TLE4: variants seen among roughly 807,000 people sequenced by gnomAD.
TLE4 encodes TLE family member 4, transcriptional corepressor.
In TLE4, 8 loss-of-function variants were observed where a neutral mutation model predicts 92.8. That is an observed-to-expected ratio of 0.09 (90% CI 0.05 to 0.16). The LOEUF (loss-of-function observed/expected upper bound fraction) is 0.16. TLE4 is among the 10% of genes least tolerant of loss of function. The pLI is 1.00. For missense variants in TLE4, 675 were observed against 997.6 expected (o/e 0.68, Z 4.36); for synonymous variants, 371 against 374.1 (o/e 0.99, Z 0.10).
intron 10 of TLE4, among the ~76,000 whole-genome samples, 184 bp from the exon 11 acceptor site, chr9:79,706,563 A>C (rs2071623747): frequency 6.6e-6 from 1 of 152,030 alleles, no homozygotes; most frequent in South Asian, 2.1e-4. Context: ...TAAATACTAT[A>C]ATTTTGGGGC....
intron 8 of TLE4, among the ~76,000 whole-genome samples, chr9:79,694,453 C>T (rs1429664636): frequency 2.0e-5 from 3 of 152,098 alleles, no homozygotes; most frequent in Non-Finnish European, 2.9e-5. Context: ...TTTGTTTCCT[C>T]AAAGTCTCCT....
intron 8 of TLE4, among the ~76,000 whole-genome samples, chr9:79,673,442 A>AT (rs1469696414): frequency 6.6e-6 from 1 of 152,190 alleles, no homozygotes; most frequent in Non-Finnish European, 1.5e-5. Flanking sequence ...TTTTTCTTTC[A>AT]TGAGTTCCTT....
intron 6 of TLE4, 119 bp from the exon 7 acceptor site, chr9:79,652,474 A>C: frequency 8.9e-7 from 1 of 1,120,574 alleles, no homozygotes; most frequent in Middle Eastern, 2.5e-4. Flanking sequence ...GGCGTGAGCC[A>C]CCGTGCCCAG....
intron 2 of TLE4, 140 bp from the exon 3 acceptor site, chr9:79,574,733 C>A: frequency 1.5e-6 from 1 of 652,966 alleles, no homozygotes; most frequent in South Asian, 1.9e-5. Flanking sequence ...CCCCTTTCCC[C>A]TTCCCTTTCC....
chr9:79,712,772 G>C (rs1280248998), intron 14 of TLE4, among the ~76,000 whole-genome samples: 1 of 152,112 alleles, frequency 6.6e-6, no homozygotes, highest in Non-Finnish European at 1.5e-5. Context: ...GCCAAAAATG[G>C]CCCTTCTCCT....
Position 79,706,781 on chromosome 9 carries a change from C to A in TLE4, c.818C>A (p.Ser273Tyr). ...PSSPRGSPAH[S>Y]PRENGLDKTR... The stretch of plus-strand genomic sequence containing the variant: ...TCCCCTCGAGGGAGCCCAGCACATT[C>A]CCCCAGAGAGAATGGCCTAGACAAG... The change falls in exon 11 of 20, where the codon TCC becomes TAC. Residue 273 changes from serine to tyrosine, a missense_variant. This residue lies in a region of TLE4 where 280 missense variants were observed against 287.3 expected (regional missense o/e 0.97). Transcript: ENST00000376552. The A allele has an allele frequency of 6.2e-7, 1 of 1,614,112 alleles. No homozygotes were observed. Among genetic ancestry groups the A allele is most frequent in the Non-Finnish European group, 8.5e-7 (1 of 1,180,006 alleles).
chr9:79,592,668 C>CT (rs1288217777), intron 4 of TLE4, among the ~76,000 whole-genome samples: 1 of 152,080 alleles, frequency 6.6e-6, no homozygotes, highest in Non-Finnish European at 1.5e-5. Context: ...TGATTTTTAA[C>CT]TTTTTCGTCT....
chr9:79,697,942 A>C (rs1221586942), intron 8 of TLE4, among the ~76,000 whole-genome samples: 1 of 152,198 alleles, frequency 6.6e-6, no homozygotes, highest in East Asian at 1.9e-4. Flanking sequence ...AAGACATTTC[A>C]TGTGTTTCTG....
At position 79,712,239 on chromosome 9, in the gene TLE4, T is replaced by C. The variant is rs532399500; in HGVS notation, c.1340+2540T>C. 3.9e-5 allele frequency among the ~76,000 whole-genome samples: 6 copies of C among 152,306 alleles called. No homozygotes were observed. The East Asian group carries it at 1.2e-3, about 29-fold the overall frequency. Reference sequence around the variant, plus strand: ...TTATGTAGTAGGAGGTACATTGTGTTTTAGGGGCAGAAGTGACCCAAGAAG... The same window carrying C: ...TTATGTAGTAGGAGGTACATTGTGTCTTAGGGGCAGAAGTGACCCAAGAAG... On this transcript the variant is annotated intron_variant, in intron 14 of 19. Coordinates refer to ENST00000376552, the MANE Select transcript of TLE4 (RefSeq NM_007005.6).
intron 6 of TLE4, among the ~76,000 whole-genome samples, chr9:79,642,003 A>G (rs2057252436): frequency 6.6e-6 from 1 of 151,874 alleles, no homozygotes; most frequent in Admixed American, 6.6e-5. Flanking sequence ...ATATTAGCGT[A>G]TGTTGCACAT....
intron 3 of TLE4, chr9:79,575,153 A>G (rs1160484977): frequency 1.5e-5 from 5 of 340,830 alleles, no homozygotes; most frequent in African/African-American, 8.4e-5. Context: ...AAGTTCAGCC[A>G]CATGGGGTAT....
chr9:79,660,673 T>C (rs1204055936), intron 8 of TLE4, among the ~76,000 whole-genome samples: 2 of 152,252 alleles, frequency 1.3e-5, no homozygotes, highest in African/African-American at 2.4e-5. Context: ...ATTTGTTCAG[T>C]ATTAATTGAT....
intron 6 of TLE4, among the ~76,000 whole-genome samples, chr9:79,647,815 T>C (rs913862578): frequency 6.6e-6 from 1 of 152,054 alleles, no homozygotes; most frequent in South Asian, 2.1e-4. Context: ...GATTGTTAAG[T>C]ATCTTAATGG....
intron 4 of TLE4, among the ~76,000 whole-genome samples, chr9:79,603,234 A>C (rs2046055991): frequency 6.6e-6 from 1 of 152,178 alleles, no homozygotes; most frequent in Non-Finnish European, 1.5e-5. Flanking sequence ...ACTCCTCTGA[A>C]ATTTCAAAGA....
intron 14 of TLE4, among the ~76,000 whole-genome samples, chr9:79,715,135 T>C (rs1160758221): frequency 6.6e-6 from 1 of 152,178 alleles, no homozygotes. Context: ...GGCTGTCCTG[T>C]TGAAGGCCTT....
chr9:79,649,090 G>T (rs1207100687), intron 6 of TLE4, among the ~76,000 whole-genome samples: 3 of 152,136 alleles, frequency 2.0e-5, no homozygotes, highest in Non-Finnish European at 4.4e-5. Flanking sequence ...ACTGAGAAAT[G>T]CTCAGTCACG....
chr9:79,665,524 G>A (rs1388435993), intron 8 of TLE4, among the ~76,000 whole-genome samples: 2 of 152,214 alleles, frequency 1.3e-5, no homozygotes, highest in East Asian at 3.8e-4. Context: ...GATGATGGGA[G>A]GACTAGCTCT....
At chr9:79,628,077 G>A (rs1031002781) in intron 6 of TLE4, among the ~76,000 whole-genome samples, 1 of 151,866 alleles carries the variant, frequency 6.6e-6, no homozygotes, top group African/African-American at 2.4e-5. Flanking sequence ...GCTTATATAT[G>A]TATGTTTTTT....
At chr9:79,660,595 G>A (rs1587938669) in intron 8 of TLE4, among the ~76,000 whole-genome samples, 1 of 152,210 alleles carries the variant, frequency 6.6e-6, no homozygotes, top group South Asian at 2.1e-4. Context: ...TTTCTACCAT[G>A]TATTTTACTA....
Sources: gnomAD v4.1 joint callset for allele counts (sites outside exome capture counted in the v4.1 genomes callset) on GRCh38, gnomAD v4.1.1 for gene constraint, gnomAD v4.1.1 regional missense constraint, MANE v1.5 for transcripts, NCBI Gene and HGNC (gene_info 2026-07-23, HGNC 2026-07-21) for gene names.